Variants in FAM120B observed in about 807,000 individuals in gnomAD.
FAM120B encodes constitutive coactivator of peroxisome proliferator-activated receptor gamma.
FAM120B carries 83 observed loss-of-function variants against 96.3 expected under a neutral mutation model. The ratio of observed to expected loss-of-function variants is 0.86; its 90% CI spans 0.72 to 1.03. The LOEUF (loss-of-function observed/expected upper bound fraction) is 1.03, where lower values mean the gene tolerates loss of function less well. Ranked by LOEUF, FAM120B falls within the 50% of genes least tolerant of loss-of-function variation. The pLI, the probability that FAM120B is intolerant of heterozygous loss-of-function variation, is 0.00. For missense variants in FAM120B, 1,027 were observed against 1,121.2 expected (o/e 0.92, Z 1.20); for synonymous variants, 407 against 402.7 (o/e 1.01, Z -0.13).
rs753408403 is a variant in FAM120B at position 170,395,550 on chromosome 6, A to G, written c.2663A>G (p.Gln888Arg). Residue 888 changes from glutamine to arginine, a missense_variant, in exon 9 of 11, where the codon CAG becomes CGG. Coordinates refer to ENST00000476287, the MANE Select transcript of FAM120B (RefSeq NM_032448.3). ...GGCTCTGGGTATAGCCGTTCCAGTC[A>G]GGGACAGCCGTGGAGAGACCAGGGA... ...RTGSGYSRSS[Q>R]GQPWRDQGPG... The G allele has an allele frequency of 6.3e-7, 1 of 1,598,662 alleles. No individual in the cohort carries two copies. The highest frequency in any genetic ancestry group is 8.5e-7 in the Non-Finnish European group (1 of 1,172,722).
At chr6:170,380,588 C>A (rs1272425160) in intron 6 of FAM120B, among the ~76,000 whole-genome samples, 1 of 152,230 alleles carries the variant, frequency 6.6e-6, no homozygotes, top group Admixed American at 6.5e-5. Context: ...TGATTTGCTT[C>A]TCCCTGGTGA....
intron 1 of FAM120B, among the ~76,000 whole-genome samples, chr6:170,314,276 G>T (rs1222626862): frequency 6.6e-6 from 1 of 152,202 alleles, no homozygotes; most frequent in Non-Finnish European, 1.5e-5. Context: ...ATTCTACTTT[G>T]CACTGCTTCT....
At chr6:170,361,198 G>A (rs200235997) in intron 6 of FAM120B, among the ~76,000 whole-genome samples, 14,244 of 65,720 alleles carry the variant, frequency 0.22, 2,031 homozygotes, top group East Asian at 0.72. Flanking sequence ...ATATATACGT[G>A]TATATATATA....
chr6:170,336,547 A>G (rs1786435653), intron 4 of FAM120B, among the ~76,000 whole-genome samples: 1 of 152,180 alleles, frequency 6.6e-6, no homozygotes, highest in Non-Finnish European at 1.5e-5. Flanking sequence ...AATTTAAAGT[A>G]GTTTTTTCTA....
intron 6 of FAM120B, among the ~76,000 whole-genome samples, chr6:170,361,214 A>ATG (rs1788382575): frequency 2.0e-5 from 2 of 100,094 alleles, no homozygotes; most frequent in African/African-American, 7.9e-5. Context: ...ATATATATAT[A>ATG]TATATATATA....
At chr6:170,352,642 C>A (rs1414750998) in intron 5 of FAM120B, among the ~76,000 whole-genome samples, 1 of 152,174 alleles carries the variant, frequency 6.6e-6, no homozygotes, top group Non-Finnish European at 1.5e-5. Flanking sequence ...AACCACACAA[C>A]TACATGGAAA....
chr6:170,401,095 C>T (rs1473820760), intron 9 of FAM120B, among the ~76,000 whole-genome samples: 1 of 152,206 alleles, frequency 6.6e-6, no homozygotes, highest in Non-Finnish European at 1.5e-5. Flanking sequence ...AATGACTTTC[C>T]ATAGGCGGAA....
At chr6:170,391,749 A>G (rs1279564503) in intron 8 of FAM120B, among the ~76,000 whole-genome samples, 2 of 152,232 alleles carry the variant, frequency 1.3e-5, no homozygotes, top group Non-Finnish European at 2.9e-5. Context: ...TTATGATAAA[A>G]GTATATTATA....
At chr6:170,340,621 C>T (rs1401031166) in intron 4 of FAM120B, among the ~76,000 whole-genome samples, 6 of 152,182 alleles carry the variant, frequency 3.9e-5, no homozygotes, top group African/African-American at 7.2e-5. Flanking sequence ...TCCTCATCTT[C>T]GTGGATTCAT....
intron 1 of FAM120B, among the ~76,000 whole-genome samples, chr6:170,317,013 A>G (rs905746416): frequency 6.6e-6 from 1 of 152,242 alleles, no homozygotes; most frequent in African/African-American, 2.4e-5. Context: ...TAGATTTTTA[A>G]CAATAACTTC....
At position 170,320,058 on chromosome 6, in the gene FAM120B, T is replaced by C. The variant is rs117372406; in HGVS notation, c.1734+934T>C. ...TCAACAGCCCTGTGAGATAGACTTA[T>C]CCTTGTTTTACAGAAGAGGTCTGTG... On this transcript the variant is annotated intron_variant, in intron 2 of 10. Transcript: ENST00000476287. Among the ~76,000 whole-genome samples, 459 of 152,340 alleles carry C rather than the reference T, an allele frequency of 3.0e-3. 1 individual carries two copies. The highest frequency in any genetic ancestry group is 0.017 in the Middle Eastern group (5 of 294).
intron 10 of FAM120B, 72 bp from the exon 11 acceptor site, chr6:170,404,689 CAG>C (rs1778742301): frequency 9.8e-7 from 1 of 1,020,274 alleles, no homozygotes; most frequent in South Asian, 1.4e-5. Flanking sequence ...CCAAAGTAAA[CAG>C]AACTCAGATA....
intron 1 of FAM120B, among the ~76,000 whole-genome samples, chr6:170,309,086 T>A (rs1456406413): frequency 6.6e-6 from 1 of 152,212 alleles, no homozygotes; most frequent in Non-Finnish European, 1.5e-5. Flanking sequence ...AACTCTTAAC[T>A]CCATGGAAAC....
intron 4 of FAM120B, among the ~76,000 whole-genome samples, chr6:170,338,342 T>C (rs1444430529): frequency 6.6e-6 from 1 of 152,250 alleles, no homozygotes; most frequent in Non-Finnish European, 1.5e-5. Context: ...TGTGCAGTTT[T>C]AAGTGAGTTT....
At chr6:170,305,169 G>T (rs573014354), upstream of FAM120B, among the ~76,000 whole-genome samples, 1 of 152,204 alleles carries the variant, frequency 6.6e-6, no homozygotes, top group Admixed American at 6.5e-5. Context: ...ATGAACTTGG[G>T]GGGGGCGGGG....
chr6:170,365,320 C>T lies in FAM120B; in HGVS notation c.2283+7002C>T, dbSNP rs1012664182. ...TGCTGGCTGTGGGGATTTCTCAAGA[C>T]GGTGGCAGAAAAGAGTCTAGGTTCA... is the stretch of plus-strand genomic sequence containing the variant. On this transcript the variant is annotated intron_variant, in intron 6 of 10. Transcript: ENST00000476287. Among the ~76,000 whole-genome samples the T allele has an allele frequency of 3.9e-5, 6 of 152,302 alleles. No individual in the cohort carries two copies. The East Asian group carries it at 9.7e-4, about 25-fold the overall frequency.
At chr6:170,361,222 ATATATATATATATACACG>A (rs1788402199) in intron 6 of FAM120B, among the ~76,000 whole-genome samples, 1 of 102,004 alleles carries the variant, frequency 9.8e-6, no homozygotes, top group South Asian at 3.6e-4. Flanking sequence ...ATATATATAT[ATATATATATATATACACG>A]TATATATATA....
intron 6 of FAM120B, among the ~76,000 whole-genome samples, chr6:170,387,297 A>G (rs6934743): frequency 0.62 from 94,602 of 152,162 alleles, 30,210 homozygotes; most frequent in Admixed American, 0.66. Flanking sequence ...AGGTTCTTCT[A>G]TTTTAGTAAG....
At position 170,317,449 on chromosome 6, in the gene FAM120B, T is replaced by C. The variant is rs2115018557; in HGVS notation, c.59T>C (p.Val20Ala). The C allele has an allele frequency of 1.2e-6, 2 of 1,614,126 alleles. No individual in the cohort carries two copies. The highest frequency in any genetic ancestry group is 1.7e-5 in the Admixed American group (1 of 60,006). ...VGSTCPHICT[V>A]VNFKELAEHH... Reference sequence around the variant, plus strand: ...AGTACCTGCCCACATATATGTACAGTAGTAAATTTCAAAGAACTGGCAGAG... The same window carrying C: ...AGTACCTGCCCACATATATGTACAGCAGTAAATTTCAAAGAACTGGCAGAG... Residue 20 changes from valine to alanine, a missense_variant, in exon 2 of 11, where the codon GTA (valine) becomes GCA (alanine). Val to Ala is a moderately conservative substitution (Grantham distance 64). Around this residue, in one of 3 missense-constraint regions of FAM120B, gnomAD observed 880 missense variants for 980.9 expected, o/e 0.90. Coordinates refer to ENST00000476287, the MANE Select transcript of FAM120B (RefSeq NM_032448.3).
Sources: allele counts gnomAD v4.1 joint callset (sites outside exome capture counted in the v4.1 genomes callset), GRCh38; gene constraint gnomAD v4.1.1; regional missense constraint gnomAD v4.1.1; transcripts MANE v1.5; gene names NCBI Gene and HGNC (gene_info 2026-07-23, HGNC 2026-07-21).